Variants in CCDC172 observed in about 807,000 individuals in gnomAD.
CCDC172 encodes the protein coiled-coil domain-containing protein 172.
A neutral mutation model predicts 38.0 loss-of-function variants in CCDC172; 30 were observed. The ratio of observed to expected loss-of-function variants is 0.79; its 90% CI spans 0.59 to 1.07. CCDC172 has a LOEUF of 1.07. Among genes scored for constraint, CCDC172 ranks in the 50% least tolerant of loss-of-function variants. CCDC172 has a pLI of 0.00. For missense variants in CCDC172, 297 were observed against 290.1 expected, an observed-to-expected ratio of 1.02 and a Z score of -0.17; for synonymous variants, 78 against 88.3, an observed-to-expected ratio of 0.88 and a Z score of 0.66.
In CCDC172 at chr10:116,327,436, T is replaced by C. The variant is rs535593102; in HGVS notation, c.165+2048T>C. On this transcript the variant is annotated intron_variant, in intron 3 of 8. Coordinates refer to ENST00000333254, the MANE Select transcript of CCDC172 (RefSeq NM_198515.3). ...TGGTGAGGATATTGACCTGATATAA[T>C]ATATTTTTTAATGTTACTCTGTAAT... is the stretch of plus-strand genomic sequence containing the variant. Among the ~76,000 whole-genome samples the C allele has an allele frequency of 3.3e-5, 5 of 152,258 alleles. No homozygotes were observed. In the East Asian group the frequency reaches 9.6e-4, roughly 29 times the overall value.
intron 7 of CCDC172, among the ~76,000 whole-genome samples, chr10:116,378,027 AAAAATT>A (rs1273326728): frequency 1.3e-5 from 2 of 152,112 alleles, no homozygotes; most frequent in Non-Finnish European, 2.9e-5. Context: ...CTAAAAACAC[AAAAATT>A]AGCTGAGTGT....
Position 116,325,066 on chromosome 10 carries a change from G to A in CCDC172, c.55G>A (p.Glu19Lys). The change falls in exon 2 of 9, where the codon GAG (glutamate) becomes AAG (lysine). Residue 19 changes from glutamate (E) to lysine (K), a missense_variant. Glu to Lys is a moderately conservative substitution (Grantham distance 56). Transcript: ENST00000333254. ...CATCTTCACCGAGCATCAGGCGGAGGAGAGTCGCCGTTTGATGCGAGAAGG... is the reference window on the plus strand; with the variant it reads ...CATCTTCACCGAGCATCAGGCGGAGAAGAGTCGCCGTTTGATGCGAGAAGG... Reference protein sequence around the residue: ...HIIFTEHQAEESRRLMREVRS... With the variant: ...HIIFTEHQAEKSRRLMREVRS... 6.2e-7 allele frequency: 1 copy of A among 1,614,050 alleles called. No homozygotes were observed. Among genetic ancestry groups the A allele is most frequent in the Non-Finnish European group, 8.5e-7 (1 of 1,180,014 alleles).
At chr10:116,328,067 G>A (rs541352410) in intron 3 of CCDC172, among the ~76,000 whole-genome samples, 1 of 152,158 alleles carries the variant, frequency 6.6e-6, no homozygotes, top group Non-Finnish European at 1.5e-5. Context: ...AATTTGGGGG[G>A]CATTTATTTT....
intron 7 of CCDC172, among the ~76,000 whole-genome samples, chr10:116,369,887 G>A (rs1057445447): frequency 6.6e-6 from 1 of 151,796 alleles, no homozygotes; most frequent in Admixed American, 6.6e-5. Flanking sequence ...TCAAGTTTTT[G>A]AAGTTTTGCC....
intron 5 of CCDC172, among the ~76,000 whole-genome samples, chr10:116,353,236 C>G (rs947737644): frequency 2.6e-5 from 4 of 151,658 alleles, no homozygotes; most frequent in African/African-American, 4.8e-5. Flanking sequence ...ATACCATACA[C>G]AAAAATTAAC....
intron 3 of CCDC172, 95 bp from the exon 4 acceptor site, chr10:116,340,639 A>G: frequency 1.6e-6 from 1 of 632,542 alleles, no homozygotes; most frequent in South Asian, 2.0e-5. Context: ...AATACAGAAT[A>G]TATTTTATAC....
chr10:116,359,531 T>A lies in CCDC172; in HGVS notation c.653+1593T>A, dbSNP rs564011163. Among the ~76,000 whole-genome samples, 12 of 152,256 alleles carry A rather than the reference T, an allele frequency of 7.9e-5. No individual in the cohort carries two copies. In the East Asian group the frequency reaches 2.1e-3, roughly 27 times the overall value. ...GGCTGTTCAATGCATTGTGAGATGTTTAGTAGTAACCCTGTCCTCTACCCA... is the reference window on the plus strand; with the variant it reads ...GGCTGTTCAATGCATTGTGAGATGTATAGTAGTAACCCTGTCCTCTACCCA... On this transcript the variant is annotated intron_variant, in intron 7 of 8. Transcript: ENST00000333254.
chr10:116,355,217 T>C (rs1388551738), intron 5 of CCDC172, among the ~76,000 whole-genome samples: 4 of 152,200 alleles, frequency 2.6e-5, no homozygotes, highest in Admixed American at 1.3e-4. Flanking sequence ...GGTAAGTATC[T>C]TACACAGGTA....
At chr10:116,328,477 T>C (rs1222978416) in intron 3 of CCDC172, among the ~76,000 whole-genome samples, 2 of 152,116 alleles carry the variant, frequency 1.3e-5, no homozygotes, top group Non-Finnish European at 2.9e-5. Flanking sequence ...CTTCTATTTT[T>C]AAAAATGGCA....
At chr10:116,369,825 A>G (rs952623635) in intron 7 of CCDC172, among the ~76,000 whole-genome samples, 3 of 151,892 alleles carry the variant, frequency 2.0e-5, no homozygotes, top group African/African-American at 7.2e-5. Context: ...TTCCTCTAGC[A>G]ATGTTTGAGC....
intron 5 of CCDC172, among the ~76,000 whole-genome samples, chr10:116,356,092 G>A (rs916242629): frequency 6.6e-6 from 1 of 152,060 alleles, no homozygotes; most frequent in East Asian, 1.9e-4. Context: ...CAGCACTTTG[G>A]GAGGCCGAGG....
At chr10:116,355,743 T>C (rs1414332821) in intron 5 of CCDC172, among the ~76,000 whole-genome samples, 1 of 152,148 alleles carries the variant, frequency 6.6e-6, no homozygotes, top group East Asian at 1.9e-4. Flanking sequence ...TATGATTCCA[T>C]TGTTGTGAAA....
At chr10:116,333,659 G>C (rs545456968) in intron 3 of CCDC172, among the ~76,000 whole-genome samples, 1 of 152,140 alleles carries the variant, frequency 6.6e-6, no homozygotes, top group African/African-American at 2.4e-5. Flanking sequence ...AGATTAAAAC[G>C]TATCAGTACA....
Position 116,325,327 on chromosome 10 carries a change from G to T in CCDC172, c.104G>T (p.Arg35Leu), listed in dbSNP as rs1031372259. 6.2e-7 allele frequency: 1 copy of T among 1,613,448 alleles called. No individual in the cohort carries two copies. The highest frequency in any genetic ancestry group is 8.5e-7 in the Non-Finnish European group (1 of 1,179,652). Residue 35 changes from arginine to leucine, a missense_variant, in exon 3 of 9, where the codon CGT (arginine) becomes CTT (leucine). By Grantham distance (102) the Arg-to-Leu change is moderately radical. Coordinates refer to ENST00000333254, the MANE Select transcript of CCDC172 (RefSeq NM_198515.3). ...GTAAGGTCGGAAATAACCAGATGTC[G>T]TGAAAAAATTAAGAAAGCAACGGAG... ...REVRSEITRC[R>L]EKIKKATEEL... is the part of the protein sequence containing the mutation.
chr10:116,342,738 G>A (rs1428059311), intron 5 of CCDC172, among the ~76,000 whole-genome samples: 1 of 152,122 alleles, frequency 6.6e-6, no homozygotes. Context: ...ATGGGGGCAG[G>A]TTTCCCCTTT....
At chr10:116,336,474 A>G (rs1340855922) in intron 3 of CCDC172, among the ~76,000 whole-genome samples, 5 of 151,624 alleles carry the variant, frequency 3.3e-5, no homozygotes, top group Non-Finnish European at 7.4e-5. Context: ...ATTATGTCAT[A>G]GTAAGTTATT....
At chr10:116,349,956 TCAAA>T (rs1844911486) in intron 5 of CCDC172, among the ~76,000 whole-genome samples, 1 of 151,882 alleles carries the variant, frequency 6.6e-6, no homozygotes, top group African/African-American at 2.4e-5. Context: ...GGTAAGGGAA[TCAAA>T]CAAGTGAATA....
At chr10:116,378,156 G>C (rs1845270559) in intron 7 of CCDC172, among the ~76,000 whole-genome samples, 1 of 152,104 alleles carries the variant, frequency 6.6e-6, no homozygotes, top group African/African-American at 2.4e-5. Flanking sequence ...ACTCCAGCCT[G>C]GATGACAGAG....
chr10:116,355,627 T>A (rs193133717), intron 5 of CCDC172, among the ~76,000 whole-genome samples: 1 of 152,338 alleles, frequency 6.6e-6, no homozygotes, highest in Non-Finnish European at 1.5e-5. Flanking sequence ...AGTGGAATTA[T>A]ATTCAGGCAT....
Sources: gnomAD v4.1 joint callset for allele counts (sites outside exome capture counted in the v4.1 genomes callset) on GRCh38, gnomAD v4.1.1 for gene constraint, MANE v1.5 for transcripts, NCBI Gene and HGNC (gene_info 2026-07-23, HGNC 2026-07-21) for gene names.